UBASH3B: variants seen among roughly 807,000 people sequenced by gnomAD.
UBASH3B encodes ubiquitin-associated and SH3 domain-containing protein B.
Under a neutral mutation model 83.4 loss-of-function variants are expected in UBASH3B, and 37 were observed. That is an observed-to-expected ratio of 0.44 (90% CI 0.34 to 0.58). UBASH3B has a LOEUF of 0.58. Among genes scored for constraint, UBASH3B ranks in the 20% least tolerant of loss-of-function variants. UBASH3B has a pLI of 0.01. For missense variants in UBASH3B, 657 were observed against 827.2 expected (o/e 0.79, Z 2.52); for synonymous variants, 304 against 318.3 (o/e 0.96, Z 0.48).
rs191277932 is a variant in UBASH3B, at chr11:122,770,561, G to T, written c.162-5658G>T. On this transcript the variant is annotated intron_variant, in intron 1 of 13. Transcript: ENST00000284273. ...ATAGATGGCCCAAAAGAAGTGTCTGGATTACAAACGCAAAGAGACAAGAAA... is the reference window on the plus strand; with the variant it reads ...ATAGATGGCCCAAAAGAAGTGTCTGTATTACAAACGCAAAGAGACAAGAAA... 3.1e-3 allele frequency among the ~76,000 whole-genome samples: 477 copies of T among 152,056 alleles called. 13 individuals are homozygous for T. Among genetic ancestry groups the T allele is most frequent in the Admixed American group, 0.031 (467 of 15,266 alleles).
chr11:122,740,928 G>A (rs1219296327), intron 1 of UBASH3B, among the ~76,000 whole-genome samples: 5 of 152,178 alleles, frequency 3.3e-5, no homozygotes, highest in Non-Finnish European at 5.9e-5. Flanking sequence ...GGGACATAAT[G>A]TGTACATAAA....
At chr11:122,757,709 CTTTTTTTT>C (rs781180822) in intron 1 of UBASH3B, among the ~76,000 whole-genome samples, 1 of 92,114 alleles carries the variant, frequency 1.1e-5, no homozygotes, top group African/African-American at 3.8e-5. Context: ...CTTCTTTTCC[CTTTTTTTT>C]TTTTTTTTTT....
intron 12 of UBASH3B, 145 bp from the exon 13 acceptor site, chr11:122,807,922 A>G (rs571170066): frequency 1.4e-5 from 10 of 699,862 alleles, no homozygotes; most frequent in Middle Eastern, 3.1e-4. Flanking sequence ...TATCAGTAAC[A>G]AAGCACTTTC....
intron 1 of UBASH3B, among the ~76,000 whole-genome samples, chr11:122,729,795 C>CAAA (rs71054092): frequency 0.067 from 2,724 of 40,554 alleles, 124 homozygotes; most frequent in Non-Finnish European, 0.075. Context: ...CCTATCTCTA[C>CAAA]AAAAAAAAAA....
At chr11:122,657,349 G>A (rs1158567529) in intron 1 of UBASH3B, among the ~76,000 whole-genome samples, 2 of 151,924 alleles carry the variant, frequency 1.3e-5, no homozygotes, top group African/African-American at 4.8e-5. Context: ...AGGCTAGAGT[G>A]CAGTGGCGCA....
At chr11:122,768,971 C>T (rs574574688) in intron 1 of UBASH3B, among the ~76,000 whole-genome samples, 3 of 152,310 alleles carry the variant, frequency 2.0e-5, no homozygotes, top group Admixed American at 6.5e-5. Context: ...GCAGAGCCAC[C>T]AGGTGCATGG....
rs1355552651 is a variant in UBASH3B, at chr11:122,758,680, C to A, written c.162-17539C>A. On this transcript the variant is annotated intron_variant, in intron 1 of 13. Transcript: ENST00000284273. The surrounding 1 kb of genome is among the most constrained non-coding windows in gnomAD (Gnocchi z 4.2). ...GTCTGTGCGATTATAAGTAGATGCA[C>A]CTGCCACTCCACGCCACTCTACTCC... Among the ~76,000 whole-genome samples, 1 of 152,184 alleles carries A rather than the reference C, an allele frequency of 6.6e-6. No homozygotes were observed. Among genetic ancestry groups the A allele is most frequent in the Non-Finnish European group, 1.5e-5 (1 of 68,034 alleles).
In UBASH3B at chr11:122,795,234, G is replaced by C. The variant is rs559540816; in HGVS notation, c.1113+400G>C. On this transcript the variant is annotated intron_variant, in intron 7 of 13. Coordinates refer to ENST00000284273, the MANE Select transcript of UBASH3B (RefSeq NM_032873.5). ...TGTGTTAACTTTTTCAAGGAAGGTT[G>C]GAGATGGAAGGAGGCAGGGAGTCGT... Among the ~76,000 whole-genome samples, 7 of 152,290 alleles carry C rather than the reference G, an allele frequency of 4.6e-5. No homozygotes were observed. In the South Asian group the frequency reaches 1.5e-3, roughly 32 times the overall value.
chr11:122,780,869 C>T (rs1223806990), intron 4 of UBASH3B, among the ~76,000 whole-genome samples: 1 of 152,224 alleles, frequency 6.6e-6, no homozygotes, highest in Non-Finnish European at 1.5e-5. Context: ...AATTCCCCTA[C>T]CCCTAATTTT....
rs1012611224 is a variant in UBASH3B, at chr11:122,811,156, A to C, written c.*1270A>C. The C allele has an allele frequency of 2.0e-5, 3 of 152,686 alleles. No individual in the cohort carries two copies. Among genetic ancestry groups the C allele is most frequent in the Non-Finnish European group, 4.4e-5 (3 of 68,052 alleles). 9.5% of individuals were successfully genotyped at this position (152,686 alleles called of 1,614,324 possible). On this transcript the variant is annotated 3_prime_UTR_variant, in exon 14 of 14. Transcript: ENST00000284273. ...GTTTATTTAAAAGAAATAAATGACA[A>C]TCAAACCAAATCATCAGTTATCAAT...
rs189566911 is a variant in UBASH3B, at chr11:122,805,501, C to T, written c.1596-909C>T. On this transcript the variant is annotated intron_variant, in intron 11 of 13. Transcript: ENST00000284273. The stretch of plus-strand genomic sequence containing the variant: ...GAGTCGAGATCGAGCCATTGCACTC[C>T]GGCCTGGGCAACAAGAGTGAAACTC... Among the ~76,000 whole-genome samples, 802 of 152,264 alleles carry T rather than the reference C, an allele frequency of 5.3e-3. 7 individuals carry two copies. Among genetic ancestry groups the T allele is most frequent in the Middle Eastern group, 0.037 (11 of 294 alleles).
chr11:122,731,901 G>A (rs1374314852), intron 1 of UBASH3B, among the ~76,000 whole-genome samples: 1 of 152,122 alleles, frequency 6.6e-6, no homozygotes, highest in African/African-American at 2.4e-5. Context: ...CTGCATTCTG[G>A]TCTTCCCATG....
chr11:122,751,352 C>A lies in UBASH3B; in HGVS notation c.162-24867C>A, dbSNP rs993654088. On this transcript the variant is annotated intron_variant, in intron 1 of 13. Coordinates refer to ENST00000284273, the MANE Select transcript of UBASH3B (RefSeq NM_032873.5). ...GAGAATGCGGTCCACGCCCCAGGAG[C>A]TAAGAAGCAGTGAGGTGTGTCACAC... is the stretch of plus-strand genomic sequence containing the variant. Among the ~76,000 whole-genome samples, 5 of 152,316 alleles carry A rather than the reference C, an allele frequency of 3.3e-5. No individual in the cohort carries two copies. The East Asian group carries it at 9.7e-4, about 29-fold the overall frequency.
chr11:122,691,208 T>C (rs969564345), intron 1 of UBASH3B, among the ~76,000 whole-genome samples: 2 of 152,222 alleles, frequency 1.3e-5, no homozygotes, highest in Non-Finnish European at 2.9e-5. Context: ...CTCTGTGCCT[T>C]TGCCGGGCCT....
intron 1 of UBASH3B, among the ~76,000 whole-genome samples, chr11:122,690,792 C>T (rs182917264): frequency 1.3e-5 from 2 of 152,222 alleles, no homozygotes; most frequent in Admixed American, 6.5e-5. Context: ...GGGTGGTGTG[C>T]GCTGCTAGTG....
At chr11:122,738,364 A>AT (rs1196038638) in intron 1 of UBASH3B, among the ~76,000 whole-genome samples, 9 of 152,238 alleles carry the variant, frequency 5.9e-5, no homozygotes, top group Admixed American at 5.9e-4. Context: ...GGAAAGTGCA[A>AT]TTGAGCACTT....
At chr11:122,670,409 C>T (rs1863579209) in intron 1 of UBASH3B, among the ~76,000 whole-genome samples, 1 of 152,168 alleles carries the variant, frequency 6.6e-6, no homozygotes, top group Non-Finnish European at 1.5e-5. Flanking sequence ...AGTGGTGTGT[C>T]TGGTACTTGA....
chr11:122,728,745 G>C (rs1860787533), intron 1 of UBASH3B, among the ~76,000 whole-genome samples: 1 of 152,174 alleles, frequency 6.6e-6, no homozygotes, highest in African/African-American at 2.4e-5. Context: ...ATCTGATAGA[G>C]CCCCTCCCCT....
At chr11:122,702,547 G>C (rs1203198794) in intron 1 of UBASH3B, among the ~76,000 whole-genome samples, 2 of 150,554 alleles carry the variant, frequency 1.3e-5, no homozygotes, top group Non-Finnish European at 3.0e-5. Context: ...TTTTTCAGAT[G>C]GAATTTTGCT....
Sources: gnomAD v4.1 joint callset for allele counts (sites outside exome capture counted in the v4.1 genomes callset) on GRCh38, gnomAD v4.1.1 for gene constraint, Gnocchi (gnomAD v3.1) non-coding constraint, MANE v1.5 for transcripts, NCBI Gene and HGNC (gene_info 2026-07-23, HGNC 2026-07-21) for gene names.